The following DPP6 variants were observed in gnomAD, a reference collection of about 807,000 sequenced individuals.
DPP6 encodes the protein dipeptidyl peptidase like 6, also known as A-type potassium channel modulatory protein DPP6.
DPP6 carries 69 observed loss-of-function variants against 122.6 expected under a neutral mutation model. That is an observed-to-expected ratio of 0.56 (90% CI 0.46 to 0.69). The LOEUF is 0.69. Ranked by LOEUF, DPP6 falls within the 30% of genes least tolerant of loss-of-function variation. The probability of loss-of-function intolerance (pLI) is 0.00; values close to 1 mark genes in which losing one functional copy is unlikely to be tolerated. For missense variants in DPP6, 928 were observed against 1,116.9 expected, an observed-to-expected ratio of 0.83 and a Z score of 2.41; for synonymous variants, 418 against 433.1, an observed-to-expected ratio of 0.97 and a Z score of 0.43.
chr7:154,559,090 G>T (rs1207616038), intron 4 of DPP6, among the ~76,000 whole-genome samples: 2 of 151,840 alleles, frequency 1.3e-5, no homozygotes, highest in Non-Finnish European at 2.9e-5. Flanking sequence ...AAAGATAAGG[G>T]AATTAGCAGA....
intron 3 of DPP6, among the ~76,000 whole-genome samples, chr7:154,493,747 A>G (rs73729309): frequency 0.056 from 8,523 of 152,282 alleles, 779 homozygotes; most frequent in African/African-American, 0.19. Context: ...AGAATTCAAG[A>G]GCAGGATTCC....
At chr7:154,096,807 T>G (rs1234046492) in intron 1 of DPP6, among the ~76,000 whole-genome samples, 1 of 152,272 alleles carries the variant, frequency 6.6e-6, no homozygotes, top group African/African-American at 2.4e-5. Context: ...ATTTCTAGTT[T>G]ATCCTTTCTA....
intron 1 of DPP6, among the ~76,000 whole-genome samples, chr7:154,433,903 G>C (rs1416616417): frequency 6.6e-6 from 1 of 152,144 alleles, no homozygotes; most frequent in East Asian, 1.9e-4. Flanking sequence ...GTTACACAAT[G>C]TCTGAAGTAA....
At chr7:154,805,139 G>T (rs971394108) in intron 15 of DPP6, among the ~76,000 whole-genome samples, 175 bp downstream of exon 15, 7 of 152,314 alleles carry the variant, frequency 4.6e-5, no homozygotes, top group Non-Finnish European at 1.0e-4. Context: ...GCCACCAAAG[G>T]GGTAGTTTTG....
rs915468915 is a variant in DPP6, at chr7:154,101,935, CAAAA to C, written c.243+48893_243+48896del. On this transcript the variant is annotated intron_variant, in intron 1 of 25. Coordinates refer to ENST00000377770, the MANE Select transcript of DPP6 (RefSeq NM_130797.4). ...AAGAGCAAAACTCCATACTCCATCT[CAAAA>C]AAAAAAAAAAAAAAAAAAAAGAATG... 6.1e-4 allele frequency among the ~76,000 whole-genome samples: 25 copies of C among 40,834 alleles called. 1 individual carries two copies. The highest frequency in any genetic ancestry group is 4.4e-3 in the South Asian group (4 of 912). The allele number at this position is 40,834 out of a possible 152,430, so 26.8% of individuals were successfully genotyped here.
intron 25 of DPP6, 183 bp downstream of exon 25, chr7:154,889,713 T>C (rs1806449427): frequency 1.1e-6 from 1 of 909,420 alleles, no homozygotes. Flanking sequence ...TTATAATTAA[T>C]GATAGCTCCG....
chr7:154,532,465 A>C (rs993326444), intron 3 of DPP6, among the ~76,000 whole-genome samples: 2 of 152,132 alleles, frequency 1.3e-5, no homozygotes, highest in African/African-American at 4.8e-5. Flanking sequence ...AGTGAAGCAA[A>C]AAGAAGGAAG....
intron 1 of DPP6, among the ~76,000 whole-genome samples, chr7:154,340,715 T>C (rs1391566830): frequency 6.6e-6 from 1 of 152,200 alleles, no homozygotes; most frequent in Middle Eastern, 3.2e-3. Flanking sequence ...TAGGTGGCAA[T>C]TATTGCAAAA....
At chr7:154,357,433 G>A (rs1811360612) in intron 1 of DPP6, among the ~76,000 whole-genome samples, 1 of 152,150 alleles carries the variant, frequency 6.6e-6, no homozygotes, top group South Asian at 2.1e-4. Flanking sequence ...CCAAATTGCT[G>A]TTAATTGCAT....
chr7:153,808,410 T>G, the DPP6 span, among the ~76,000 whole-genome samples: 1 of 144,062 alleles, frequency 6.9e-6, no homozygotes, highest in Non-Finnish European at 1.5e-5. Flanking sequence ...TGTGTGCCTG[T>G]ATGTGTGTCT....
Position 154,282,231 on chromosome 7 carries a change from G to A in DPP6, c.244-163983G>A, listed in dbSNP as rs1207384932. Among the ~76,000 whole-genome samples, 2 of 152,052 alleles carry A rather than the reference G, an allele frequency of 1.3e-5. No individual in the cohort carries two copies. The highest frequency in any genetic ancestry group is 2.9e-5 in the Non-Finnish European group (2 of 68,004). ...CCCATAGAGAAGACTCCAATCTGTG[G>A]TTTTCATTGATGGTGGCAGCTTTAG... On this transcript the variant is annotated intron_variant, in intron 1 of 25. Coordinates refer to ENST00000377770, the MANE Select transcript of DPP6 (RefSeq NM_130797.4). The surrounding 1 kb of genome is among the most constrained non-coding windows in gnomAD (Gnocchi z 4.8).
chr7:154,281,691 A>G (rs1804526150), intron 1 of DPP6, among the ~76,000 whole-genome samples: 1 of 152,222 alleles, frequency 6.6e-6, no homozygotes, highest in Admixed American at 6.5e-5. Context: ...ATCTTAGTAT[A>G]AGATCTCTGG....
chr7:153,765,185 T>C, the DPP6 span, among the ~76,000 whole-genome samples: 1 of 152,024 alleles, frequency 6.6e-6, no homozygotes, highest in Non-Finnish European at 1.5e-5. Flanking sequence ...TTTTAAATAA[T>C]GTAACAGGTC....
chr7:154,621,055 C>G (rs1834614691), intron 5 of DPP6, among the ~76,000 whole-genome samples: 1 of 152,146 alleles, frequency 6.6e-6, no homozygotes, highest in Non-Finnish European at 1.5e-5. Context: ...AGAGCTGAAA[C>G]CCTACCTCAA....
chr7:153,997,466 A>T lies in DPP6; in HGVS notation c.51+109732A>T, dbSNP rs1195722567. Among the ~76,000 whole-genome samples the T allele has an allele frequency of 3.3e-5, 5 of 151,954 alleles. No individual in the cohort carries two copies. In the East Asian group the frequency reaches 9.7e-4, roughly 29 times the overall value. ...TTTCTATGTCAGTTTCATTCATCCC[A>T]TGTTTTATTGAGCACCTGCTGTAAG... On this transcript the variant is annotated intron_variant, in intron 1 of 25. Coordinates refer to the DPP6 transcript ENST00000404039.
At chr7:154,131,921 T>C (rs1171766503) in intron 1 of DPP6, among the ~76,000 whole-genome samples, 2 of 152,146 alleles carry the variant, frequency 1.3e-5, no homozygotes, top group Admixed American at 1.3e-4. Context: ...AGCCTGAAAA[T>C]ACAAAAAGGA....
At chr7:154,788,358 C>T (rs146175084) in intron 10 of DPP6, among the ~76,000 whole-genome samples, 5 of 151,694 alleles carry the variant, frequency 3.3e-5, no homozygotes, top group Admixed American at 6.6e-5. Flanking sequence ...GCAGGACAAT[C>T]GCTTGAACCC....
the DPP6 span, among the ~76,000 whole-genome samples, chr7:153,767,273 G>T: frequency 6.6e-6 from 1 of 152,144 alleles, no homozygotes; most frequent in African/African-American, 2.4e-5. Flanking sequence ...GAGACAAATT[G>T]TGTAAAATGC....
intron 16 of DPP6, among the ~76,000 whole-genome samples, chr7:154,837,204 TCA>T (rs1361030723): frequency 6.7e-6 from 1 of 148,594 alleles, no homozygotes; most frequent in African/African-American, 2.5e-5. Context: ...TAACGCACAT[TCA>T]CACATGCACA....
Sources: allele counts gnomAD v4.1 joint callset (sites outside exome capture counted in the v4.1 genomes callset), GRCh38; gene constraint gnomAD v4.1.1; non-coding constraint Gnocchi (gnomAD v3.1); transcripts MANE v1.5; gene names NCBI Gene and HGNC (gene_info 2026-07-23, HGNC 2026-07-21).